The following OSBPL8 variants were observed in gnomAD, a reference collection of about 807,000 sequenced individuals.
The protein encoded by OSBPL8 is oxysterol-binding protein-related protein 8.
Under a neutral mutation model 125.5 loss-of-function variants are expected in OSBPL8, and 59 were observed. The observed-to-expected ratio is 0.47, with a 90% CI of 0.38 to 0.58. OSBPL8 has a LOEUF of 0.58. Among genes scored for constraint, OSBPL8 ranks in the 20% least tolerant of loss-of-function variants. OSBPL8 has a pLI of 0.00. For missense variants in OSBPL8, 758 were observed against 1,047.8 expected, an observed-to-expected ratio of 0.72 and a Z score of 3.82; for synonymous variants, 330 against 338.9, an observed-to-expected ratio of 0.97 and a Z score of 0.29.
chr12:76,382,350 T>G (rs1953096288), intron 15 of OSBPL8, among the ~76,000 whole-genome samples: 1 of 151,816 alleles, frequency 6.6e-6, no homozygotes, highest in Non-Finnish European at 1.5e-5. Context: ...CGATTTTTCT[T>G]TGTGTGTGTG....
chr12:76,380,528 C>CAAA (rs3038514), intron 15 of OSBPL8, among the ~76,000 whole-genome samples: 6,066 of 88,982 alleles, frequency 0.068, 523 homozygotes, highest in African/African-American at 0.21. Context: ...GACACTGTCC[C>CAAA]AAAAAAAAAA....
At chr12:76,381,743 T>TC (rs1209227668) in intron 15 of OSBPL8, among the ~76,000 whole-genome samples, 2 of 151,642 alleles carry the variant, frequency 1.3e-5, no homozygotes, top group Admixed American at 6.6e-5. Context: ...TTTTTTTTTT[T>TC]CCTTTCTTGA....
rs1953195802 is a variant in OSBPL8 at position 76,384,265 on chromosome 12, G to C, written c.1619C>G (p.Ser540Cys). 1 of 1,529,316 alleles carries C rather than the reference G, an allele frequency of 6.5e-7. No individual in the cohort carries two copies. The highest frequency in any genetic ancestry group is 8.9e-7 in the Non-Finnish European group (1 of 1,123,954). The allele number at this position is 1,529,316 out of a possible 1,614,324, so 94.7% of individuals were successfully genotyped here. A position where few individuals can be genotyped will look rare whatever the true frequency, so the allele number is the denominator to read the frequency against. The change falls in exon 15 of 24, where the codon TCT (serine) becomes TGT (cysteine). Residue 540 changes from serine (S) to cysteine (C), a missense_variant. Ser to Cys is a moderately radical substitution (Grantham distance 112, BLOSUM62 -1). Coordinates refer to ENST00000261183, the MANE Select transcript of OSBPL8 (RefSeq NM_020841.5). ...FCLSGSILAK[S>C]KFYGNSLSAI... ...ACGGGAAAACTCACCATAAAACTTA[G>C]ACTTAGCCAGGATACTACCGCTAAG... is the stretch of plus-strand genomic sequence containing the variant.
rs181865809 is a variant in OSBPL8, at chr12:76,482,990, G to A, written c.42+4520C>T. 4.9e-3 allele frequency among the ~76,000 whole-genome samples: 745 copies of A among 152,214 alleles called. 4 individuals carry two copies. The highest frequency in any genetic ancestry group is 5.9e-3 in the Non-Finnish European group (402 of 68,000). On this transcript the variant is annotated intron_variant, in intron 2 of 23. Transcript: ENST00000261183. ...AAATATATAGTATTGGGCAGGGCAC[G>A]GTGGCTCATGCCTGTAATCCCAGCA...
Position 76,356,799 on chromosome 12 carries a change from A to C in OSBPL8, c.2435-71T>G, listed in dbSNP as rs570935125. ...CAGTTCAATTTAATGTGTCTCATGTAATAAAAATTTTCCTGGGCATTTGTT... is the reference window on the plus strand; with the variant it reads ...CAGTTCAATTTAATGTGTCTCATGTCATAAAAATTTTCCTGGGCATTTGTT... On this transcript the variant is annotated intron_variant, in intron 22 of 23. Coordinates refer to ENST00000261183, the MANE Select transcript of OSBPL8 (RefSeq NM_020841.5). The C allele has an allele frequency of 4.7e-6, 5 of 1,060,294 alleles. No homozygotes were observed. In the African/African-American group the frequency reaches 4.8e-5, roughly 10 times the overall value. The allele number at this position is 1,060,294 out of a possible 1,614,324, so 65.7% of individuals were successfully genotyped here.
At chr12:76,378,376 G>A (rs1952909184) in intron 16 of OSBPL8, 76 bp downstream of exon 16, 1 of 1,002,816 alleles carries the variant, frequency 1.0e-6, no homozygotes, top group Non-Finnish European at 1.5e-6. Context: ...CAATCACAAA[G>A]CATAACAAAT....
intron 1 of OSBPL8, among the ~76,000 whole-genome samples, chr12:76,541,771 G>T (rs1477909709): frequency 6.6e-6 from 1 of 151,818 alleles, no homozygotes; most frequent in Non-Finnish European, 1.5e-5. Context: ...AGGGAGAATT[G>T]TTTGAACCCG....
At position 76,390,486 on chromosome 12, in the gene OSBPL8, T is replaced by C; in HGVS notation, c.1101A>G (p.Glu367=). ...TSERQDDSYI[E]PEPVEPLKET... The stretch of plus-strand genomic sequence containing the variant: ...CCTTTAAAGGCTCAACAGGCTCAGG[T>C]TCGATATATGAGTCATCTTGTCTTT... The change falls in exon 11 of 24, where the codon GAA becomes GAG. Residue 367 remains glutamate, a synonymous_variant. Coordinates refer to ENST00000261183, the MANE Select transcript of OSBPL8 (RefSeq NM_020841.5). The C allele has an allele frequency of 6.2e-7, 1 of 1,613,984 alleles. No homozygotes were observed. The highest frequency in any genetic ancestry group is 8.5e-7 in the Non-Finnish European group (1 of 1,179,936).
chr12:76,469,439 C>T (rs1875851747), intron 2 of OSBPL8, among the ~76,000 whole-genome samples: 2 of 152,206 alleles, frequency 1.3e-5, no homozygotes, highest in African/African-American at 2.4e-5. Flanking sequence ...GCCCACAGAG[C>T]TCCATGTGTT....
At chr12:76,379,362 T>C (rs951193412) in intron 15 of OSBPL8, among the ~76,000 whole-genome samples, 11 of 152,206 alleles carry the variant, frequency 7.2e-5, no homozygotes, top group Admixed American at 2.6e-4. Context: ...GCATTTTCTC[T>C]CCTTCTATTC....
chr12:76,454,392 T>A (rs1468495834), intron 3 of OSBPL8, among the ~76,000 whole-genome samples: 3 of 152,062 alleles, frequency 2.0e-5, no homozygotes, highest in Non-Finnish European at 4.4e-5. Flanking sequence ...ATATTAAAAG[T>A]AAAATGTTAA....
intron 21 of OSBPL8, among the ~76,000 whole-genome samples, chr12:76,360,514 A>C (rs1353499897): frequency 1.3e-5 from 2 of 152,146 alleles, no homozygotes; most frequent in African/African-American, 4.8e-5. Flanking sequence ...TGGGGTCTAG[A>C]GGACGGTGGC....
chr12:76,550,096 TG>T (rs1431750306), intron 1 of OSBPL8, among the ~76,000 whole-genome samples: 1 of 46,906 alleles, frequency 2.1e-5, no homozygotes, highest in Admixed American at 3.1e-4. Context: ...AGTTGGGGTG[TG>T]GGGGGGCTGG....
In OSBPL8 at chr12:76,481,859, T is replaced by C. The variant is rs567723231; in HGVS notation, c.42+5651A>G. ...ATTTGCATGCACAAGCTCTAAAATG[T>C]TGCTAATTTTTATAGATAGCTGGGC... On this transcript the variant is annotated intron_variant, in intron 2 of 23. Transcript: ENST00000261183. Among the ~76,000 whole-genome samples, 155 of 152,316 alleles carry C rather than the reference T, an allele frequency of 1.0e-3. 1 individual carries two copies. The highest frequency in any genetic ancestry group is 3.7e-3 in the African/African-American group (153 of 41,574).
chr12:76,458,622 T>C (rs936463424), intron 3 of OSBPL8, among the ~76,000 whole-genome samples: 1 of 151,918 alleles, frequency 6.6e-6, no homozygotes, highest in African/African-American at 2.4e-5. Flanking sequence ...AAGTTCAAGG[T>C]TGCATGAGTT....
At chr12:76,356,594 CA>C in intron 23 of OSBPL8, 31 bp downstream of exon 23, 3 of 1,391,626 alleles carry the variant, frequency 2.2e-6, no homozygotes, top group Non-Finnish European at 3.0e-6. Flanking sequence ...TCCTTGGTCT[CA>C]AATGAATAGT....
chr12:76,358,927 T>G lies in OSBPL8; in HGVS notation c.2329-116A>C, dbSNP rs1007173627. The G allele has an allele frequency of 6.6e-5, 48 of 732,582 alleles. No individual in the cohort carries two copies. In the African/African-American group the frequency reaches 8.0e-4, roughly 12 times the overall value. 45.4% of individuals were successfully genotyped at this position (732,582 alleles called of 1,614,324 possible). ...GCATGATATTCAGAAATAAAGACAA[T>G]GATGAAATAGTCTAATTCAAATTTA... On this transcript the variant is annotated intron_variant, in intron 21 of 23. Transcript: ENST00000261183.
intron 1 of OSBPL8, among the ~76,000 whole-genome samples, chr12:76,510,174 T>C (rs980216296): frequency 6.6e-6 from 1 of 152,186 alleles, no homozygotes; most frequent in Admixed American, 6.5e-5. Context: ...ACTTTTCATA[T>C]CTCCAGATCT....
At chr12:76,373,691 A>G (rs566641305) in intron 17 of OSBPL8, among the ~76,000 whole-genome samples, 1 of 149,452 alleles carries the variant, frequency 6.7e-6, no homozygotes, top group East Asian at 2.0e-4. Flanking sequence ...TCACCCTGAT[A>G]TAACTGACTC....
Sources: allele counts gnomAD v4.1 joint callset (sites outside exome capture counted in the v4.1 genomes callset), GRCh38; gene constraint gnomAD v4.1.1; transcripts MANE v1.5; gene names NCBI Gene and HGNC (gene_info 2026-07-23, HGNC 2026-07-21).